Variants in ADCY8 observed in about 807,000 individuals in gnomAD.
ADCY8 encodes the protein adenylate cyclase type 8.
ADCY8 carries 51 observed loss-of-function variants against 119.7 expected under a neutral mutation model. The observed-to-expected ratio is 0.43, with a 90% CI of 0.34 to 0.54. The LOEUF is 0.54. Among genes scored for constraint, ADCY8 ranks in the 20% least tolerant of loss-of-function variants. The probability of loss-of-function intolerance (pLI) is 0.03; values close to 1 mark genes in which losing one functional copy is unlikely to be tolerated. For synonymous variants in ADCY8, 665 were observed against 651.0 expected, an observed-to-expected ratio of 1.02 and a Z score of -0.33; for missense variants, 1,383 against 1,598.8, an observed-to-expected ratio of 0.87 and a Z score of 2.30.
intron 14 of ADCY8, among the ~76,000 whole-genome samples, chr8:130,810,990 G>A (rs991270819): frequency 2.0e-5 from 3 of 151,996 alleles, no homozygotes; most frequent in Admixed American, 6.6e-5. Context: ...TTACATGTGG[G>A]GTTTTATTGT....
rs1301815884 is a variant in ADCY8, at chr8:131,040,104, T to G, written c.230A>C (p.Asn77Thr). The G allele has an allele frequency of 6.5e-7, 1 of 1,527,566 alleles. No homozygotes were observed. Among genetic ancestry groups the G allele is most frequent in the Non-Finnish European group, 8.7e-7 (1 of 1,143,824 alleles). The allele number at this position is 1,527,566 out of a possible 1,614,324, so 94.6% of individuals were successfully genotyped here. The stretch of plus-strand genomic sequence containing the variant: ...GCCTGACAGCTGCGGCGCGTGGTGG[T>G]TGGGGCCGCCGCCCGCAGGGTCCGA... The part of the protein sequence containing the change: ...KASDPAGGGP[N>T]HHAPQLSGDS... The change falls in exon 1 of 18, where the codon AAC (asparagine) becomes ACC (threonine). Residue 77 changes from asparagine to threonine, a missense_variant. Physicochemically the swap from Asn to Thr is moderately conservative, Grantham distance 65 (BLOSUM62 0). This residue lies in a region of ADCY8 where 455 missense variants were observed against 435.3 expected (regional missense o/e 1.05). Transcript: ENST00000286355.
chr8:130,941,705 T>C (rs1435790617), intron 4 of ADCY8, among the ~76,000 whole-genome samples: 4 of 152,276 alleles, frequency 2.6e-5, no homozygotes, highest in Non-Finnish European at 5.9e-5. Context: ...CTGAAATTTA[T>C]ACTAAGGTTG....
chr8:131,026,777 T>A (rs1160511826), intron 1 of ADCY8, among the ~76,000 whole-genome samples: 1 of 152,216 alleles, frequency 6.6e-6, no homozygotes, highest in African/African-American at 2.4e-5. Context: ...AGGGTGATTG[T>A]TTTAAAACTT....
chr8:130,815,927 T>C (rs1816325244), intron 13 of ADCY8, among the ~76,000 whole-genome samples: 1 of 152,182 alleles, frequency 6.6e-6, no homozygotes, highest in South Asian at 2.1e-4. Context: ...TCCCCTCTCA[T>C]GAGAAGGTGC....
chr8:131,000,376 G>A (rs1822904883), intron 1 of ADCY8, among the ~76,000 whole-genome samples: 2 of 152,100 alleles, frequency 1.3e-5, no homozygotes, highest in Admixed American at 1.3e-4. Flanking sequence ...GAAAAATGTA[G>A]GTAAAGGTCT....
chr8:130,953,096 T>A (rs1007914876), intron 2 of ADCY8, among the ~76,000 whole-genome samples: 2 of 152,232 alleles, frequency 1.3e-5, no homozygotes, highest in Non-Finnish European at 2.9e-5. Context: ...GGCAAGAGGC[T>A]GGCTTCTGAC....
chr8:130,837,078 A>T (rs1297056072), intron 11 of ADCY8, among the ~76,000 whole-genome samples: 1 of 151,746 alleles, frequency 6.6e-6, no homozygotes, highest in East Asian at 1.9e-4. Context: ...CTTCTTCCAC[A>T]CTGTTTCTGT....
intron 7 of ADCY8, among the ~76,000 whole-genome samples, chr8:130,887,084 T>A (rs970884877): frequency 6.6e-6 from 1 of 152,140 alleles, no homozygotes; most frequent in Non-Finnish European, 1.5e-5. Flanking sequence ...TTTGTCCTTA[T>A]TTTTCTCATA....
rs917422013 is a variant in ADCY8 at position 130,800,413 on chromosome 8, G to A, written c.3060+13C>T. 1.9e-6 allele frequency: 3 copies of A among 1,613,906 alleles called. No individual in the cohort carries two copies. In the African/African-American group the frequency reaches 4.0e-5, roughly 22 times the overall value. On this transcript the variant is annotated intron_variant, in intron 15 of 17. Transcript: ENST00000286355. ...CCCATTTGTGATTGTAAATGTCTCA[G>A]GCTTAGATTTACCTCATCGAAGTCA... is the stretch of plus-strand genomic sequence containing the variant.
At chr8:130,813,979 G>A in intron 14 of ADCY8, 90 bp downstream of exon 14, 2 of 1,503,136 alleles carry the variant, frequency 1.3e-6, no homozygotes, top group Non-Finnish European at 1.8e-6. Context: ...TGATGACAGT[G>A]AAATTCTCCC....
Position 130,909,824 on chromosome 8 carries a change from A to T in ADCY8, c.1524T>A (p.Ile508=). Reference sequence around the variant, plus strand: ...ACAGCACCGAGCCGGAGTGGATTCCAATCCTCATGTCAACATCGTGTTTTG... The same window carrying T: ...ACAGCACCGAGCCGGAGTGGATTCCTATCCTCATGTCAACATCGTGTTTTG... ...SRTKHDVDMR[I]GIHSGSVLCG... The change falls in exon 6 of 18, where the codon ATT becomes ATA. Residue 508 remains isoleucine, a synonymous_variant. Coordinates refer to ENST00000286355, the MANE Select transcript of ADCY8 (RefSeq NM_001115.3). 6.2e-7 allele frequency: 1 copy of T among 1,614,176 alleles called. No homozygotes were observed. Among genetic ancestry groups the T allele is most frequent in the Non-Finnish European group, 8.5e-7 (1 of 1,180,024 alleles).
In ADCY8 at chr8:130,780,534, A is replaced by G. The variant is rs147371587; in HGVS notation, c.3612T>C (p.Asn1204=). Residue 1204 remains asparagine (N), a synonymous_variant, in exon 18 of 18, where the codon AAT becomes AAC. Transcript: ENST00000286355. ...AVVLGLVQSL[N]RQRQKQLLNE... ...TGAGTAGCTGCTTCTGCCTTTGCCT[A>G]TTGAGGGACTGGACAAGTCCCAGGA... The G allele has an allele frequency of 1.4e-3, 2,227 of 1,613,978 alleles. 27 individuals carry two copies. In the African/African-American group the frequency reaches 0.026, roughly 19 times the overall value.
intron 2 of ADCY8, among the ~76,000 whole-genome samples, chr8:130,964,597 A>G (rs539919335): frequency 2.0e-5 from 3 of 152,328 alleles, no homozygotes; most frequent in African/African-American, 7.2e-5. Context: ...AACATCTGTG[A>G]AAAAAATTAT....
chr8:131,035,913 G>A (rs1363198465), intron 1 of ADCY8, among the ~76,000 whole-genome samples: 1 of 152,098 alleles, frequency 6.6e-6, no homozygotes, highest in Non-Finnish European at 1.5e-5. Context: ...GCAGAATGAT[G>A]AGCTAGCTAC....
intron 15 of ADCY8, among the ~76,000 whole-genome samples, chr8:130,795,182 C>T (rs1263843778): frequency 1.3e-5 from 2 of 152,326 alleles, no homozygotes; most frequent in Non-Finnish European, 2.9e-5. Flanking sequence ...GCTCTGCCTC[C>T]GTCGATCATC....
intron 1 of ADCY8, among the ~76,000 whole-genome samples, chr8:131,035,728 T>G (rs1420340458): frequency 6.6e-6 from 1 of 152,172 alleles, no homozygotes; most frequent in African/African-American, 2.4e-5. Flanking sequence ...ACATTTTCAG[T>G]GAAGTGAAAC....
chr8:130,820,090 G>T (rs1032049947), intron 13 of ADCY8, among the ~76,000 whole-genome samples: 2 of 152,176 alleles, frequency 1.3e-5, no homozygotes, highest in Non-Finnish European at 2.9e-5. Context: ...GATTAAATGA[G>T]AATAGAGAGA....
intron 7 of ADCY8, among the ~76,000 whole-genome samples, chr8:130,901,415 T>C (rs1240868107): frequency 6.6e-6 from 1 of 152,142 alleles, no homozygotes; most frequent in Non-Finnish European, 1.5e-5. Flanking sequence ...TAAGCACATA[T>C]TATGAATGAA....
chr8:130,854,953 T>C (rs1376375856), intron 9 of ADCY8, among the ~76,000 whole-genome samples: 1 of 146,134 alleles, frequency 6.8e-6, no homozygotes, highest in East Asian at 2.1e-4. Context: ...TTCTGTGTCT[T>C]TGTCTCTTTC....
Sources: allele counts gnomAD v4.1 joint callset (sites outside exome capture counted in the v4.1 genomes callset), GRCh38; gene constraint gnomAD v4.1.1; regional missense constraint gnomAD v4.1.1; transcripts MANE v1.5; gene names NCBI Gene and HGNC (gene_info 2026-07-23, HGNC 2026-07-21).